The following TNFSF11 variants were observed in gnomAD, a reference collection of about 807,000 sequenced individuals.
TNFSF11 encodes the protein tumor necrosis factor ligand superfamily member 11.
In TNFSF11, 12 loss-of-function variants were observed where a neutral mutation model predicts 32.2. That is an observed-to-expected ratio of 0.37 (90% confidence interval 0.24 to 0.60). TNFSF11 has a LOEUF of 0.60. TNFSF11 is among the 20% of genes least tolerant of loss of function. The pLI, the probability that TNFSF11 is intolerant of heterozygous loss-of-function variation, is 0.66. For missense variants in TNFSF11, 345 were observed against 398.0 expected (o/e 0.87, Z 1.13); for synonymous variants, 172 against 152.1 (o/e 1.13, Z -0.96).
At chr13:42,605,430 C>A (rs537055860) in intron 4 of TNFSF11, among the ~76,000 whole-genome samples, 3 of 152,256 alleles carry the variant, frequency 2.0e-5, no homozygotes, top group Admixed American at 1.3e-4. Context: ...CATTAGTTAC[C>A]AGCTTTTCCA....
intron 4 of TNFSF11, among the ~76,000 whole-genome samples, chr13:42,604,835 G>C (rs1869364928): frequency 6.6e-6 from 1 of 152,122 alleles, no homozygotes; most frequent in Non-Finnish European, 1.5e-5. Flanking sequence ...CCAGGCTGGA[G>C]TGCCGTAGCG....
At chr13:42,600,563 A>G (rs1869113526) in intron 2 of TNFSF11, among the ~76,000 whole-genome samples, 189 bp from the exon 3 acceptor site, 1 of 152,174 alleles carries the variant, frequency 6.6e-6, no homozygotes, top group East Asian at 1.9e-4. Flanking sequence ...ACACATCAAC[A>G]CCAATTCTTT....
At chr13:42,574,906 A>G (rs1873231148) in intron 1 of TNFSF11, among the ~76,000 whole-genome samples, 1 of 152,182 alleles carries the variant, frequency 6.6e-6, no homozygotes, top group Non-Finnish European at 1.5e-5. Flanking sequence ...ACTTCTGTTC[A>G]CGTAGGAAAA....
At chr13:42,592,688 G>T (rs1566383342) in intron 2 of TNFSF11, among the ~76,000 whole-genome samples, 1 of 152,182 alleles carries the variant, frequency 6.6e-6, no homozygotes, top group Non-Finnish European at 1.5e-5. Context: ...TTGGCTCTGT[G>T]TCTCCACCCA....
At chr13:42,569,389 A>G (rs1872975925), upstream of TNFSF11, among the ~76,000 whole-genome samples, 1 of 152,068 alleles carries the variant, frequency 6.6e-6, no homozygotes, top group Non-Finnish European at 1.5e-5. Flanking sequence ...TCTACTAAAA[A>G]TACAAAAAAT....
intron 2 of TNFSF11, among the ~76,000 whole-genome samples, chr13:42,598,550 C>A (rs1469444956): frequency 1.3e-5 from 2 of 152,126 alleles, no homozygotes; most frequent in Non-Finnish European, 2.9e-5. Context: ...AAGGCATGTC[C>A]CTGTTACATG....
At chr13:42,593,257 G>T (rs922551855) in intron 2 of TNFSF11, among the ~76,000 whole-genome samples, 1 of 152,192 alleles carries the variant, frequency 6.6e-6, no homozygotes, top group Non-Finnish European at 1.5e-5. Flanking sequence ...AAGACGAATT[G>T]CATATTTCTT....
intron 2 of TNFSF11, among the ~76,000 whole-genome samples, chr13:42,581,771 T>C (rs748424627): frequency 1.3e-5 from 2 of 152,166 alleles, no homozygotes; most frequent in Non-Finnish European, 2.9e-5. Context: ...TTTGCTGTCA[T>C]CTGTGGTGAA....
chr13:42,582,125 T>C (rs1457581723), intron 2 of TNFSF11, among the ~76,000 whole-genome samples: 1 of 152,254 alleles, frequency 6.6e-6, no homozygotes, highest in African/African-American at 2.4e-5. Context: ...TCCCTGGGTC[T>C]CTGGTCATTC....
rs202141167 is a variant in TNFSF11 at position 42,607,023 on chromosome 13, G to T, written c.*105G>T. On this transcript the variant is annotated 3_prime_UTR_variant, in exon 5 of 5. Transcript: ENST00000398795. Reference sequence around the variant, plus strand: ...GTGTGTGAGACTACTAAGAGGCATGGCCCCAACGGTACACGACTCAGTATC... The same window carrying T: ...GTGTGTGAGACTACTAAGAGGCATGTCCCCAACGGTACACGACTCAGTATC... 78 of 1,429,030 alleles carry T rather than the reference G, an allele frequency of 5.5e-5. No individual in the cohort carries two copies. In the South Asian group the frequency reaches 9.0e-4, roughly 17 times the overall value. 88.5% of individuals were successfully genotyped at this position (1,429,030 alleles called of 1,614,324 possible).
chr13:42,575,315 G>C (rs1483241144), intron 1 of TNFSF11, among the ~76,000 whole-genome samples: 1 of 152,230 alleles, frequency 6.6e-6, no homozygotes, highest in Non-Finnish European at 1.5e-5. Flanking sequence ...GAACTGCAGA[G>C]AGATAGTAGG....
chr13:42,584,011 CATG>C (rs1250925933), intron 2 of TNFSF11, among the ~76,000 whole-genome samples: 2 of 151,988 alleles, frequency 1.3e-5, no homozygotes, highest in Non-Finnish European at 2.9e-5. Flanking sequence ...AACTAGAAAA[CATG>C]AGTGAAAGAT....
intron 2 of TNFSF11, among the ~76,000 whole-genome samples, chr13:42,588,148 C>T (rs1266735635): frequency 1.3e-5 from 2 of 152,198 alleles, no homozygotes; most frequent in Non-Finnish European, 2.9e-5. Flanking sequence ...TGCAATTCAA[C>T]CCCAATCACA....
In TNFSF11 at chr13:42,566,230, C is replaced by G. The variant is rs978041485; in HGVS notation, c.-301-391C>G. On this transcript the variant is annotated intron_variant, in intron 1 of 6. Coordinates refer to the TNFSF11 transcript ENST00000358545. The stretch of plus-strand genomic sequence containing the variant: ...TATGGAATCTACTTGAAATTTCCAG[C>G]CATGAGAGATCCCCAGTCCTTCTTA... Among the ~76,000 whole-genome samples, 4 of 152,202 alleles carry G rather than the reference C, an allele frequency of 2.6e-5. No individual in the cohort carries two copies. The East Asian group carries it at 7.7e-4, about 29-fold the overall frequency.
chr13:42,606,930 T>C lies in TNFSF11; in HGVS notation c.*12T>C, dbSNP rs1406506856. 3 of 1,614,114 alleles carry C rather than the reference T, an allele frequency of 1.9e-6. No homozygotes were observed. The highest frequency in any genetic ancestry group is 1.7e-5 in the Admixed American group (1 of 60,016). ...GAGATATAGATTGAGCCCCAGTTTTTGGAGTGTTATGTATTTCCTGGATGT... is the reference window on the plus strand; with the variant it reads ...GAGATATAGATTGAGCCCCAGTTTTCGGAGTGTTATGTATTTCCTGGATGT... On this transcript the variant is annotated 3_prime_UTR_variant, in exon 5 of 5. Transcript: ENST00000398795.
At position 42,606,813 on chromosome 13, in the gene TNFSF11, A is replaced by G. The variant is rs199769531; in HGVS notation, c.849A>G (p.Leu283=). 2.4e-5 allele frequency: 39 copies of G among 1,613,454 alleles called. No individual in the cohort carries two copies. Among genetic ancestry groups the G allele is most frequent in the Non-Finnish European group, 2.8e-5 (33 of 1,179,684 alleles). Residue 283 remains leucine, a synonymous_variant, in exon 5 of 5, where the codon TTA becomes TTG. Transcript: ENST00000398795. ...YSINVGGFFK[L]RSGEEISIEV... ...TAAACGTTGGTGGATTTTTTAAGTT[A>G]CGGTCTGGAGAGGAAATCAGCATCG...
In TNFSF11 at chr13:42,600,744, T is replaced by G. The variant is rs550760058; in HGVS notation, c.388-8T>G. The G allele has an allele frequency of 1.2e-6, 2 of 1,612,196 alleles. No individual in the cohort carries two copies. The highest frequency in any genetic ancestry group is 2.2e-5 in the East Asian group (1 of 44,872). ...TATAAATAAAATTATTTTTCCTTTT[T>G]ATTTCAGGAATTACAACATATCGTT... On this transcript the variant is annotated splice_region_variant and splice_polypyrimidine_tract_variant and intron_variant, in intron 2 of 4. Coordinates refer to ENST00000398795, the MANE Select transcript of TNFSF11 (RefSeq NM_003701.4).
intron 2 of TNFSF11, among the ~76,000 whole-genome samples, chr13:42,583,441 AAGG>A (rs1214731619): frequency 1.6e-4 from 14 of 89,858 alleles, no homozygotes; most frequent in African/African-American, 5.6e-4. Context: ...AAAAAAAAGA[AAGG>A]AAGAAAGGAA....
intron 1 of TNFSF11, among the ~76,000 whole-genome samples, chr13:42,580,814 T>C (rs1228558894): frequency 6.6e-6 from 1 of 152,200 alleles, no homozygotes; most frequent in Non-Finnish European, 1.5e-5. Context: ...CCCTCCCCTC[T>C]ATGAACACTT....
Sources: allele counts gnomAD v4.1 joint callset (sites outside exome capture counted in the v4.1 genomes callset), GRCh38; gene constraint gnomAD v4.1.1; transcripts MANE v1.5; gene names NCBI Gene and HGNC (gene_info 2026-07-23, HGNC 2026-07-21).